HORMAD1: variants seen among roughly 807,000 people sequenced by gnomAD.
The protein encoded by HORMAD1 is HORMA domain containing 1.
Under a neutral mutation model 58.2 loss-of-function variants are expected in HORMAD1, and 33 were observed. The ratio of observed to expected loss-of-function variants is 0.57; its 90% CI spans 0.43 to 0.76. HORMAD1 has a LOEUF of 0.76. Ranked by LOEUF, HORMAD1 falls within the 30% of genes least tolerant of loss-of-function variation. The pLI is 0.00. For missense variants in HORMAD1, 363 were observed against 462.0 expected, an observed-to-expected ratio of 0.79 and a Z score of 1.96; for synonymous variants, 137 against 144.6, an observed-to-expected ratio of 0.95 and a Z score of 0.38.
chr1:150,716,150 CTTTTTT>C (rs752800084), intron 3 of HORMAD1, among the ~76,000 whole-genome samples: 1 of 68,772 alleles, frequency 1.5e-5, no homozygotes, highest in African/African-American at 6.7e-5. Context: ...CAAAGGACCA[CTTTTTT>C]TTTTTTTTTT....
Position 150,706,221 on chromosome 1 carries a change from A to G in HORMAD1, c.804+332T>C, listed in dbSNP as rs587654026. Among the ~76,000 whole-genome samples, 31 of 152,264 alleles carry G rather than the reference A, an allele frequency of 2.0e-4. 1 individual carries two copies. In the East Asian group the frequency reaches 6.0e-3, roughly 29 times the overall value. On this transcript the variant is annotated intron_variant, in intron 10 of 14. Transcript: ENST00000361824. Reference sequence around the variant, plus strand: ...GATTCCATCATTAGCCGGGAGTTAGACTAGTGCAATGCTTTTCAAATTATG... The same window carrying G: ...GATTCCATCATTAGCCGGGAGTTAGGCTAGTGCAATGCTTTTCAAATTATG...
chr1:150,716,547 G>C (rs1029741835), intron 3 of HORMAD1, among the ~76,000 whole-genome samples: 3 of 152,026 alleles, frequency 2.0e-5, no homozygotes, highest in Admixed American at 6.6e-5. Context: ...TGATTGCCTA[G>C]GACTGGGAAG....
At chr1:150,714,946 G>A (rs923706365) in intron 3 of HORMAD1, among the ~76,000 whole-genome samples, 1 of 151,778 alleles carries the variant, frequency 6.6e-6, no homozygotes, top group Non-Finnish European at 1.5e-5. Flanking sequence ...ACCATGACCG[G>A]CTAATTTTTG....
chr1:150,706,991 TTTC>T (rs1651716246), intron 9 of HORMAD1, among the ~76,000 whole-genome samples, 182 bp from the exon 10 acceptor site: 1 of 152,232 alleles, frequency 6.6e-6, no homozygotes, highest in African/African-American at 2.4e-5. Flanking sequence ...TAAGCTTTGT[TTTC>T]TTCACTTGAC....
At chr1:150,700,714 C>T (rs980625668) in intron 13 of HORMAD1, among the ~76,000 whole-genome samples, 3 of 152,132 alleles carry the variant, frequency 2.0e-5, no homozygotes, top group African/African-American at 4.8e-5. Context: ...AGGAATAATA[C>T]AATATGTGGA....
Position 150,698,697 on chromosome 1 carries a change from A to C in HORMAD1, c.1142T>G (p.Val381Gly), listed in dbSNP as rs1049670028. 4 of 1,604,260 alleles carry C rather than the reference A, an allele frequency of 2.5e-6. No individual in the cohort carries two copies. Among genetic ancestry groups the C allele is most frequent in the Middle Eastern group, 1.7e-4 (1 of 6,020 alleles). The stretch of plus-strand genomic sequence containing the variant: ...TTCACTAAACTTTCTCCTTTTTGGC[A>C]CTGACTCTTGACTAGAAGAATCAAA... The part of the protein sequence containing the change: ...HHFDSSSQES[V>G]PKRRKFSEPK... Residue 381 changes from valine (V) to glycine (G), a missense_variant, in exon 15 of 15, where the codon GTG becomes GGG. This residue lies in a region of HORMAD1 where 226 missense variants were observed against 257.8 expected (regional missense o/e 0.88). Coordinates refer to ENST00000361824, the MANE Select transcript of HORMAD1 (RefSeq NM_032132.5).
intron 9 of HORMAD1, among the ~76,000 whole-genome samples, chr1:150,707,164 A>C (rs1651721588): frequency 6.6e-6 from 1 of 152,216 alleles, no homozygotes; most frequent in Non-Finnish European, 1.5e-5. Context: ...AATACTCAAT[A>C]AATGTTAGTT....
chr1:150,713,412 A>C (rs1651961706), intron 5 of HORMAD1, among the ~76,000 whole-genome samples: 1 of 152,112 alleles, frequency 6.6e-6, no homozygotes, highest in African/African-American at 2.4e-5. Flanking sequence ...AGGAACCATG[A>C]ATAAAAATTA....
At chr1:150,709,083 T>G (rs1439589050) in intron 7 of HORMAD1, 122 bp from the exon 8 acceptor site, 5 of 634,376 alleles carry the variant, frequency 7.9e-6, no homozygotes, top group Admixed American at 5.0e-5. Flanking sequence ...TAATCCCTAT[T>G]GATCCATTGA....
chr1:150,708,388 A>T lies in HORMAD1; in HGVS notation c.415T>A (p.Ser139Thr). The T allele has an allele frequency of 6.3e-7, 1 of 1,599,758 alleles. No individual in the cohort carries two copies. The change falls in exon 9 of 15, where the codon TCT becomes ACT. Residue 139 changes from serine to threonine, a missense_variant. By Grantham distance (58) the Ser-to-Thr change is moderately conservative. Transcript: ENST00000361824. ...DFISKNQSNE[S>T]SMLSTDTKKA... Reference sequence around the variant, plus strand: ...TTGGTGTCAGTAGACAACATGCTAGATTCGTTGCTTTGGTTTTTACTAGAA... The same window carrying T: ...TTGGTGTCAGTAGACAACATGCTAGTTTCGTTGCTTTGGTTTTTACTAGAA...
In HORMAD1 at chr1:150,708,267, T is replaced by C. The variant is rs1300189418; in HGVS notation, c.536A>G (p.Tyr179Cys). The C allele has an allele frequency of 6.2e-7, 1 of 1,603,540 alleles. No homozygotes were observed. The highest frequency in any genetic ancestry group is 8.5e-7 in the Non-Finnish European group (1 of 1,175,388). ...ATTGCAAATAGTACCTTCATCATAG[T>C]AAAAAAGTTTCATGGTCAAACAAAC... ...NDVCLTMKLF[Y>C]YDEVTPPDYQ... Residue 179 changes from tyrosine to cysteine, a missense_variant, in exon 9 of 15, where the codon TAC (tyrosine) becomes TGC (cysteine). By Grantham distance (194) the Tyr-to-Cys change is radical. Transcript: ENST00000361824.
intron 13 of HORMAD1, among the ~76,000 whole-genome samples, chr1:150,700,500 A>T (rs56057831): frequency 0.041 from 6,309 of 152,184 alleles, 166 homozygotes; most frequent in Non-Finnish European, 0.065. Context: ...ATACTATATG[A>T]TTCACCCATT....
In HORMAD1 at chr1:150,714,053, A is replaced by G. The variant is rs116313281; in HGVS notation, c.279+32T>C. 856 of 1,294,356 alleles carry G rather than the reference A, an allele frequency of 6.6e-4. 5 individuals carry two copies. In the African/African-American group the frequency reaches 0.011, roughly 17 times the overall value. The allele number at this position is 1,294,356 out of a possible 1,614,324, so 80.2% of individuals were successfully genotyped here. A position where few individuals can be genotyped will look rare whatever the true frequency, so the allele number is the denominator to read the frequency against. On this transcript the variant is annotated intron_variant, in intron 5 of 14. Coordinates refer to ENST00000361824, the MANE Select transcript of HORMAD1 (RefSeq NM_032132.5). ...TATATTTGTAGATCATAAACTGTAG[A>G]AAAAAAAGGATAAAGAGATTGCAAG...
intron 9 of HORMAD1, among the ~76,000 whole-genome samples, chr1:150,707,010 G>A (rs587711432): frequency 1.1e-4 from 17 of 152,202 alleles, no homozygotes; most frequent in Admixed American, 7.8e-4. Flanking sequence ...TTGACTGTCT[G>A]TGACCTTGAG....
intron 3 of HORMAD1, among the ~76,000 whole-genome samples, chr1:150,716,150 CTTTTTTTTTTTTTTTTTT>C (rs752800084): frequency 2.0e-4 from 14 of 68,732 alleles, no homozygotes; most frequent in African/African-American, 7.4e-4. Context: ...CAAAGGACCA[CTTTTTTTTTTTTTTTTTT>C]TTTTTTTTTT....
intron 8 of HORMAD1, 135 bp downstream of exon 8, chr1:150,708,759 T>C: frequency 1.8e-6 from 1 of 567,658 alleles, no homozygotes; most frequent in South Asian, 2.7e-5. Flanking sequence ...CACCACTCCA[T>C]TTTGCATAGC....
intron 9 of HORMAD1, 156 bp from the exon 10 acceptor site, chr1:150,706,965 T>A (rs768010653): frequency 3.4e-4 from 184 of 548,188 alleles, no homozygotes; most frequent in Non-Finnish European, 3.6e-4. Flanking sequence ...CAAGTCCCCA[T>A]TTTATTCCCT....
At chr1:150,710,007 T>C (rs1328598317) in intron 7 of HORMAD1, among the ~76,000 whole-genome samples, 5 of 152,170 alleles carry the variant, frequency 3.3e-5, no homozygotes, top group African/African-American at 1.2e-4. Flanking sequence ...CATTCCTTTT[T>C]ACTAAAATAA....
At chr1:150,715,398 A>T (rs1448375303) in intron 3 of HORMAD1, among the ~76,000 whole-genome samples, 1 of 152,188 alleles carries the variant, frequency 6.6e-6, no homozygotes, top group South Asian at 2.1e-4. Context: ...GAAAAGACTG[A>T]GAGTCTCTCA....
Sources: allele counts gnomAD v4.1 joint callset (sites outside exome capture counted in the v4.1 genomes callset), GRCh38; gene constraint gnomAD v4.1.1; regional missense constraint gnomAD v4.1.1; transcripts MANE v1.5; gene names NCBI Gene and HGNC (gene_info 2026-07-23, HGNC 2026-07-21).